CCDC88A: variants seen among roughly 807,000 people sequenced by gnomAD.
CCDC88A encodes the protein coiled-coil and HOOK domain protein 88A, also known as girdin.
CCDC88A carries 54 observed loss-of-function variants against 234.3 expected under a neutral mutation model. That is an observed-to-expected ratio of 0.23 (90% CI 0.19 to 0.29). The LOEUF is 0.29. CCDC88A is among the 10% of genes least tolerant of loss of function. The pLI, the probability that CCDC88A is intolerant of heterozygous loss-of-function variation, is 1.00. For missense variants in CCDC88A, 1,832 were observed against 2,123.4 expected, an observed-to-expected ratio of 0.86 and a Z score of 2.70; for synonymous variants, 753 against 737.8, an observed-to-expected ratio of 1.02 and a Z score of -0.33.
rs1679298625 is a variant in CCDC88A at position 55,289,551 on chromosome 2, TA to T, written c.*1648del. On this transcript the variant is annotated 3_prime_UTR_variant, in exon 33 of 33. Transcript: ENST00000436346. ...AGAATCCTTTGTATTTCCATTTACATAGCACCTTTCATCCAAGATTTTCAAA... is the reference window on the plus strand; with the variant it reads ...AGAATCCTTTGTATTTCCATTTACATGCACCTTTCATCCAAGATTTTCAAA... 1 of 152,190 alleles carries T rather than the reference TA, an allele frequency of 6.6e-6. No individual in the cohort carries two copies. Among genetic ancestry groups the T allele is most frequent in the Admixed American group, 6.5e-5 (1 of 15,268 alleles). The allele number at this position is 152,190 out of a possible 1,614,324, so 9.4% of individuals were successfully genotyped here.
Position 55,388,804 on chromosome 2 carries a change from C to A in CCDC88A, c.247G>T (p.Val83Leu). The A allele has an allele frequency of 1.3e-6, 2 of 1,507,756 alleles. No homozygotes were observed. The highest frequency in any genetic ancestry group is 4.8e-5 in the East Asian group (2 of 42,038). 93.4% of individuals were successfully genotyped at this position (1,507,756 alleles called of 1,614,324 possible). Residue 83 changes from valine (V) to leucine (L), a missense_variant, in exon 3 of 33, where the codon GTG becomes TTG. Transcript: ENST00000436346. Reference protein sequence around the residue: ...SLRMHNLSILVRQIKFYYQET... With the variant: ...SLRMHNLSILLRQIKFYYQET... Reference sequence around the variant, plus strand: ...TGGTAATAAAATTTTATCTGTCTCACCAAAATGGATAGATTGTGCATTCTA... The same window carrying A: ...TGGTAATAAAATTTTATCTGTCTCAACAAAATGGATAGATTGTGCATTCTA...
chr2:55,302,778 G>A (rs996220772), intron 26 of CCDC88A: 9 of 201,502 alleles, frequency 4.5e-5, no homozygotes, highest in East Asian at 2.2e-4. Context: ...AAATCTCTAT[G>A]GCATATAAAA....
intron 2 of CCDC88A, among the ~76,000 whole-genome samples, chr2:55,390,715 T>A (rs985946674): frequency 6.6e-6 from 1 of 152,128 alleles, no homozygotes; most frequent in East Asian, 1.9e-4. Flanking sequence ...GTAGCCCAAG[T>A]CTTGCTGAAC....
intron 19 of CCDC88A, among the ~76,000 whole-genome samples, chr2:55,318,057 T>C (rs997761278): frequency 6.6e-6 from 1 of 152,102 alleles, no homozygotes; most frequent in African/African-American, 2.4e-5. Flanking sequence ...TATGTGTGTA[T>C]ATATAGACAT....
At chr2:55,343,986 A>C in intron 11 of CCDC88A, 194 bp from the exon 12 acceptor site, 3 of 450,120 alleles carry the variant, frequency 6.7e-6, no homozygotes, top group Non-Finnish European at 1.2e-5. Flanking sequence ...CATCCTTTTA[A>C]GCTGATCTTT....
At chr2:55,316,136 A>C in intron 21 of CCDC88A, 22 bp from the exon 22 acceptor site, 2 of 1,022,334 alleles carry the variant, frequency 2.0e-6, no homozygotes, top group East Asian at 5.4e-5. Context: ...AATCATAGAA[A>C]TATAATTAGA....
chr2:55,383,440 G>A (rs1362963446), intron 3 of CCDC88A, among the ~76,000 whole-genome samples: 3 of 151,862 alleles, frequency 2.0e-5, no homozygotes. Context: ...CCAACATGGT[G>A]AAACCCCGTC....
intron 2 of CCDC88A, chr2:55,417,593 A>G (rs1460832919): frequency 6.6e-6 from 1 of 151,972 alleles, no homozygotes; most frequent in Non-Finnish European, 1.5e-5. Flanking sequence ...GATAACATAT[A>G]TATTTCTTTG....
At chr2:55,368,532 C>G (rs985062327) in intron 5 of CCDC88A, among the ~76,000 whole-genome samples, 2 of 151,510 alleles carry the variant, frequency 1.3e-5, no homozygotes, top group Non-Finnish European at 2.9e-5. Flanking sequence ...TTATGCTGCC[C>G]AGGTTGATCT....
chr2:55,302,143 A>C, intron 26 of CCDC88A, 71 bp from the exon 27 acceptor site: 5 of 1,246,422 alleles, frequency 4.0e-6, no homozygotes, highest in Non-Finnish European at 5.8e-6. Flanking sequence ...TTTGTAGTAC[A>C]AATACTGTGG....
intron 13 of CCDC88A, 28 bp downstream of exon 13, chr2:55,339,436 T>C (rs1249972692): frequency 6.9e-7 from 1 of 1,444,368 alleles, no homozygotes; most frequent in Non-Finnish European, 9.4e-7. Flanking sequence ...TTTTTTAACA[T>C]TAAAATAAAC....
At chr2:55,369,554 C>T (rs967846519) in intron 5 of CCDC88A, among the ~76,000 whole-genome samples, 1 of 150,756 alleles carries the variant, frequency 6.6e-6, no homozygotes, top group African/African-American at 2.4e-5. Flanking sequence ...CAGGTTCAAA[C>T]CGTTCTCCTG....
rs1426376174 is a variant in CCDC88A, at chr2:55,396,795, G to A, written c.165-7909C>T. Among the ~76,000 whole-genome samples the A allele has an allele frequency of 1.5e-4, 23 of 149,954 alleles. 1 individual carries two copies. The highest frequency in any genetic ancestry group is 4.7e-4 in the Admixed American group (7 of 14,964). ...TGAGGCAGGAGAATGGCATGAACCC[G>A]GGAGGCTGAGTTTGCAGTGAGCCGA... On this transcript the variant is annotated intron_variant, in intron 2 of 32. Transcript: ENST00000436346.
intron 26 of CCDC88A, 71 bp downstream of exon 26, chr2:55,302,997 AG>A (rs1468995092): frequency 1.1e-6 from 1 of 938,048 alleles, no homozygotes; most frequent in Non-Finnish European, 1.7e-6. Context: ...GTCCAGAGAA[AG>A]GTTAGTGAAA....
chr2:55,317,553 T>C lies in CCDC88A; in HGVS notation c.3602+11A>G, dbSNP rs1574079582. 3 of 1,524,472 alleles carry C rather than the reference T, an allele frequency of 2.0e-6. No homozygotes were observed. In the South Asian group the frequency reaches 3.9e-5, roughly 20 times the overall value. 94.4% of individuals were successfully genotyped at this position (1,524,472 alleles called of 1,614,324 possible). On this transcript the variant is annotated intron_variant, in intron 20 of 32. Coordinates refer to ENST00000436346, the MANE Select transcript of CCDC88A (RefSeq NM_001365480.1). This position sits in a 1 kb window ranked among gnomAD's most constrained non-coding sequence, Gnocchi z 4.2. ...TTTAAATTCACAGTACAACAAAATATAATAAATTACCGGTCTTCAAGGTCT... is the reference window on the plus strand; with the variant it reads ...TTTAAATTCACAGTACAACAAAATACAATAAATTACCGGTCTTCAAGGTCT...
intron 2 of CCDC88A, among the ~76,000 whole-genome samples, chr2:55,412,262 C>T (rs941252729): frequency 3.9e-5 from 6 of 152,186 alleles, no homozygotes; most frequent in Admixed American, 6.5e-5. Flanking sequence ...GGTGAAGGTA[C>T]TTCCGAATCA....
intron 3 of CCDC88A, among the ~76,000 whole-genome samples, chr2:55,375,699 TG>T (rs1488454424): frequency 5.9e-5 from 9 of 151,588 alleles, no homozygotes. Flanking sequence ...GGCTAATTTT[TG>T]TATTTTTAGT....
intron 2 of CCDC88A, chr2:55,405,663 C>T (rs1679426744): frequency 6.6e-6 from 1 of 152,252 alleles, no homozygotes; most frequent in African/African-American, 2.4e-5. Flanking sequence ...GCTCTGCCTC[C>T]TGTCAGACTG....
At chr2:55,406,480 C>T (rs1307803657) in intron 2 of CCDC88A, among the ~76,000 whole-genome samples, 2 of 152,178 alleles carry the variant, frequency 1.3e-5, no homozygotes, top group Non-Finnish European at 2.9e-5. Flanking sequence ...AGTGTCCGGG[C>T]ATGGTGGCTT....
Sources: gnomAD v4.1 joint callset for allele counts (sites outside exome capture counted in the v4.1 genomes callset) on GRCh38, gnomAD v4.1.1 for gene constraint, Gnocchi (gnomAD v3.1) non-coding constraint, MANE v1.5 for transcripts, NCBI Gene and HGNC (gene_info 2026-07-23, HGNC 2026-07-21) for gene names.